NALF1: variants seen among roughly 807,000 people sequenced by gnomAD.
The protein encoded by NALF1 is family with sequence similarity 155 member A.
A neutral mutation model predicts 48.4 loss-of-function variants in NALF1; 3 were observed. That is an observed-to-expected ratio of 0.06 (90% CI 0.03 to 0.16). NALF1 has a LOEUF of 0.16. Ranked by LOEUF, NALF1 falls within the 10% of genes least tolerant of loss-of-function variation. NALF1 has a pLI of 1.00. For synonymous variants in NALF1, 262 were observed against 245.7 expected, an observed-to-expected ratio of 1.07 and a Z score of -0.62; for missense variants, 526 against 571.5, an observed-to-expected ratio of 0.92 and a Z score of 0.81.
intron 1 of NALF1, among the ~76,000 whole-genome samples, chr13:107,294,359 T>G: frequency 6.6e-6 from 1 of 152,220 alleles, no homozygotes; most frequent in Non-Finnish European, 1.5e-5. Context: ...AATCTTAGGT[T>G]AGATAACTCG....
At chr13:107,630,343 T>G (rs1879801245) in intron 1 of NALF1, among the ~76,000 whole-genome samples, 2 of 152,110 alleles carry the variant, frequency 1.3e-5, no homozygotes, top group Admixed American at 1.3e-4. Flanking sequence ...ATGGGGTCTG[T>G]GACTTTAGGG....
chr13:107,255,592 G>A (rs115344883), intron 1 of NALF1, among the ~76,000 whole-genome samples: 9 of 152,268 alleles, frequency 5.9e-5, no homozygotes, highest in African/African-American at 2.2e-4. Flanking sequence ...TGATATAAAC[G>A]AATGGAGAGG....
intron 2 of NALF1, among the ~76,000 whole-genome samples, chr13:107,178,960 A>G (rs932105906): frequency 6.6e-6 from 1 of 151,124 alleles, no homozygotes; most frequent in Admixed American, 6.6e-5. Context: ...ACAAACAAAA[A>G]AAAAAAACAA....
intron 1 of NALF1, among the ~76,000 whole-genome samples, chr13:107,301,014 CAG>C (rs1881826021): frequency 6.6e-6 from 1 of 152,190 alleles, no homozygotes; most frequent in Admixed American, 6.5e-5. Flanking sequence ...TGCTGGAATT[CAG>C]AGTTTGCAAA....
intron 1 of NALF1, among the ~76,000 whole-genome samples, chr13:107,216,000 A>C (rs537382334): frequency 1.3e-5 from 2 of 152,334 alleles, no homozygotes; most frequent in South Asian, 4.1e-4. Flanking sequence ...TTTTATCACA[A>C]AGAAAAATGT....
At chr13:107,729,412 C>A (rs1876246124) in intron 1 of NALF1, among the ~76,000 whole-genome samples, 2 of 150,930 alleles carry the variant, frequency 1.3e-5, no homozygotes, top group South Asian at 4.2e-4. Context: ...CTGTAGAGTG[C>A]CACTGAAAAA....
rs373737800 is a variant in NALF1, at chr13:107,648,111, C to A, written c.915+217571G>T. 3.3e-5 allele frequency among the ~76,000 whole-genome samples: 5 copies of A among 151,668 alleles called. No homozygotes were observed. In the East Asian group the frequency reaches 5.8e-4, roughly 18 times the overall value. On this transcript the variant is annotated intron_variant, in intron 1 of 2. Coordinates refer to ENST00000375915, the MANE Select transcript of NALF1 (RefSeq NM_001080396.3). Reference sequence around the variant, plus strand: ...AGTATACAGACAGTCCCATATGTCACCCCCCATACACATCTCCCTTGTTGT... The same window carrying A: ...AGTATACAGACAGTCCCATATGTCAACCCCCATACACATCTCCCTTGTTGT...
At chr13:107,376,320 G>C (rs530886764) in intron 1 of NALF1, among the ~76,000 whole-genome samples, 5 of 152,222 alleles carry the variant, frequency 3.3e-5, no homozygotes, top group African/African-American at 1.2e-4. Flanking sequence ...GTTGTGAAGC[G>C]ATAGATAGGT....
intron 1 of NALF1, among the ~76,000 whole-genome samples, chr13:107,797,501 G>C (rs1385767663): frequency 6.6e-6 from 1 of 152,088 alleles, no homozygotes; most frequent in Non-Finnish European, 1.5e-5. Context: ...GAGCCACCGC[G>C]CCCGGCCCAC....
intron 1 of NALF1, among the ~76,000 whole-genome samples, chr13:107,731,419 G>T (rs1876304649): frequency 6.6e-6 from 1 of 151,904 alleles, no homozygotes; most frequent in Admixed American, 6.6e-5. Flanking sequence ...TTTATTTTAG[G>T]TTCAGGAGTA....
chr13:107,525,607 TTCTG>T (rs1022388752), intron 1 of NALF1, among the ~76,000 whole-genome samples: 2 of 152,134 alleles, frequency 1.3e-5, no homozygotes, highest in African/African-American at 4.8e-5. Context: ...ACATATATTT[TTCTG>T]TCTGTCTGGG....
At chr13:107,325,841 AACAC>A (rs149568387) in intron 1 of NALF1, among the ~76,000 whole-genome samples, 2,618 of 77,174 alleles carry the variant, frequency 0.034, 87 homozygotes, top group Non-Finnish European at 0.043. Flanking sequence ...ACTGTGTCTC[AACAC>A]ACACACACAC....
At chr13:107,436,155 TA>T (rs954120092) in intron 1 of NALF1, among the ~76,000 whole-genome samples, 4 of 152,202 alleles carry the variant, frequency 2.6e-5, no homozygotes, top group African/African-American at 4.8e-5. Context: ...CATTTCTTCT[TA>T]AAACATTTTT....
In NALF1 at chr13:107,818,643, CG is replaced by C. The variant is rs745624065; in HGVS notation, c.915+47038del. On this transcript the variant is annotated intron_variant, in intron 1 of 2. Coordinates refer to ENST00000375915, the MANE Select transcript of NALF1 (RefSeq NM_001080396.3). ...ATCCCAGCACTTTGGGAGGCCGAGG[CG>C]GGCGGATCACGAGGTCAGGAGATCG... 1.7e-3 allele frequency among the ~76,000 whole-genome samples: 191 copies of C among 112,272 alleles called. 1 individual carries two copies. In the South Asian group the frequency reaches 0.02, roughly 12 times the overall value. The allele number at this position is 112,272 out of a possible 152,430, so 73.7% of individuals were successfully genotyped here.
At chr13:107,797,400 G>C (rs1878461042) in intron 1 of NALF1, among the ~76,000 whole-genome samples, 1 of 151,952 alleles carries the variant, frequency 6.6e-6, no homozygotes, top group African/African-American at 2.4e-5. Context: ...TAGTAGAGAG[G>C]GGGTTTCACC....
chr13:107,667,464 A>G (rs1478956728), intron 1 of NALF1, among the ~76,000 whole-genome samples: 1 of 152,090 alleles, frequency 6.6e-6, no homozygotes, highest in African/African-American at 2.4e-5. Flanking sequence ...TAAAATTTAA[A>G]AAGCTGAATA....
chr13:107,438,261 G>T (rs1433043651), intron 1 of NALF1, among the ~76,000 whole-genome samples: 1 of 152,058 alleles, frequency 6.6e-6, no homozygotes, highest in Non-Finnish European at 1.5e-5. Context: ...TTTTTCAGAT[G>T]TTCTAGATAT....
At chr13:107,632,148 A>G (rs768858003) in intron 1 of NALF1, among the ~76,000 whole-genome samples, 8 of 152,196 alleles carry the variant, frequency 5.3e-5, no homozygotes, top group African/African-American at 1.4e-4. Context: ...TCAGGGTATT[A>G]TAAGTGTCTG....
At chr13:107,609,749 G>C (rs1879176007) in intron 1 of NALF1, among the ~76,000 whole-genome samples, 1 of 152,132 alleles carries the variant, frequency 6.6e-6, no homozygotes, top group Non-Finnish European at 1.5e-5. Flanking sequence ...GCAAACTGTT[G>C]TCAAAGAATA....
Sources: allele counts gnomAD v4.1 joint callset (sites outside exome capture counted in the v4.1 genomes callset), GRCh38; gene constraint gnomAD v4.1.1; transcripts MANE v1.5; gene names NCBI Gene and HGNC (gene_info 2026-07-23, HGNC 2026-07-21).